The following NLRP5 variants were observed in gnomAD, a reference collection of about 807,000 sequenced individuals.
NLRP5 encodes the protein NLR family pyrin domain containing 5, also known as NACHT, LRR and PYD domains-containing protein 5.
Under a neutral mutation model 113.1 loss-of-function variants are expected in NLRP5, and 93 were observed. That is an observed-to-expected ratio of 0.82 (90% CI 0.70 to 0.98). The LOEUF (loss-of-function observed/expected upper bound fraction) is 0.98. Ranked by LOEUF, NLRP5 falls within the 50% of genes least tolerant of loss-of-function variation. NLRP5 has a pLI of 0.00. For missense variants in NLRP5, 1,808 were observed against 1,514.3 expected (o/e 1.19, Z -3.22); for synonymous variants, 751 against 600.7 (o/e 1.25, Z -3.66).
At chr19:56,042,375 G>A (rs1040497496) in intron 11 of NLRP5, among the ~76,000 whole-genome samples, 31 of 151,944 alleles carry the variant, frequency 2.0e-4, no homozygotes, top group African/African-American at 7.0e-4. Context: ...AGACAGTTTG[G>A]CTCTGTCACC....
chr19:55,987,044 C>A, the NLRP5 span, among the ~76,000 whole-genome samples: 6,454 of 152,290 alleles, frequency 0.042, 169 homozygotes, highest in South Asian at 0.1. Context: ...TTAGGTAAGT[C>A]TCTCGTCCTT....
chr19:56,012,959 G>A (rs1346546829), intron 3 of NLRP5, among the ~76,000 whole-genome samples: 1 of 152,032 alleles, frequency 6.6e-6, no homozygotes, highest in African/African-American at 2.4e-5. Flanking sequence ...ACAATTCAGT[G>A]TTTTATTGTA....
chr19:56,051,715 T>G (rs1412209244), intron 12 of NLRP5, among the ~76,000 whole-genome samples: 1 of 152,170 alleles, frequency 6.6e-6, no homozygotes. Context: ...TTTAAAAATC[T>G]CCTAAAATTT....
Position 56,040,949 on chromosome 19 carries a change from G to A in NLRP5, c.2814G>A (p.Thr938=), listed in dbSNP as rs529957294. Residue 938 remains threonine, a synonymous_variant, in exon 11 of 15, where the codon ACG becomes ACA. Transcript: ENST00000390649. ...TGGAGGACTGTGGCATCACAGCCAC[G>A]GGTTGCCAGAGTCTGGCCTCAGCCC... is the stretch of plus-strand genomic sequence containing the variant. 24 of 1,613,882 alleles carry A rather than the reference G, an allele frequency of 1.5e-5. No homozygotes were observed. Among genetic ancestry groups the A allele is most frequent in the Middle Eastern group, 3.3e-4 (2 of 6,062 alleles).
chr19:56,015,040 A>G (rs1568486087), intron 3 of NLRP5, among the ~76,000 whole-genome samples: 1 of 152,232 alleles, frequency 6.6e-6, no homozygotes, highest in Non-Finnish European at 1.5e-5. Context: ...ACCCATGGAC[A>G]CAAGGTGGTC....
upstream of NLRP5, among the ~76,000 whole-genome samples, chr19:55,997,158 C>T (rs1412210688): frequency 2.0e-5 from 3 of 152,034 alleles, no homozygotes; most frequent in East Asian, 1.9e-4. Flanking sequence ...CTGTTCATAT[C>T]CTTTGCCCAC....
intron 2 of NLRP5, among the ~76,000 whole-genome samples, chr19:56,006,403 A>G (rs1322729108): frequency 6.7e-6 from 1 of 150,314 alleles, no homozygotes; most frequent in Non-Finnish European, 1.5e-5. Flanking sequence ...GTGCACATGT[A>G]CCCTAGAACT....
intron 2 of NLRP5, among the ~76,000 whole-genome samples, chr19:56,005,104 AAAAAT>A (rs1318295013): frequency 5.7e-5 from 7 of 123,694 alleles, no homozygotes; most frequent in South Asian, 2.8e-4. Flanking sequence ...AAAAAAAAAA[AAAAAT>A]ATATATATAT....
chr19:56,018,381 T>C (rs1274750405), intron 4 of NLRP5, among the ~76,000 whole-genome samples: 1 of 152,220 alleles, frequency 6.6e-6, no homozygotes, highest in Non-Finnish European at 1.5e-5. Flanking sequence ...TAAATATATA[T>C]AGTGGTTATT....
intron 6 of NLRP5, among the ~76,000 whole-genome samples, chr19:56,024,489 G>A (rs1295722900): frequency 7.0e-5 from 10 of 143,566 alleles, no homozygotes; most frequent in Admixed American, 1.4e-4. Flanking sequence ...ACGTACATGC[G>A]TATATACATA....
At chr19:56,000,096 C>T (rs1353943864) in intron 1 of NLRP5, among the ~76,000 whole-genome samples, 1 of 151,386 alleles carries the variant, frequency 6.6e-6, no homozygotes, top group African/African-American at 2.5e-5. Flanking sequence ...GGACTGCCAC[C>T]TCTCCACTCT....
chr19:56,025,742 A>G (rs1982818507), intron 6 of NLRP5, among the ~76,000 whole-genome samples: 1 of 151,744 alleles, frequency 6.6e-6, no homozygotes, highest in African/African-American at 2.4e-5. Context: ...GGATTCCCCC[A>G]TTGCGTGGGG....
In NLRP5 at chr19:56,019,940, G is replaced by A. The variant is rs550131333; in HGVS notation, c.623-435G>A. Among the ~76,000 whole-genome samples the A allele has an allele frequency of 5.9e-5, 9 of 151,416 alleles. No homozygotes were observed. In the East Asian group the frequency reaches 1.4e-3, roughly 23 times the overall value. ...CAACCTCTGCCTCCCAGGTTCAAGC[G>A]ATTCTTCTGTCTCAGCCTCCCGAGT... On this transcript the variant is annotated intron_variant, in intron 5 of 14. Transcript: ENST00000390649.
chr19:56,034,026 TC>T (rs1368516950), intron 9 of NLRP5, among the ~76,000 whole-genome samples: 1 of 152,230 alleles, frequency 6.6e-6, no homozygotes, highest in African/African-American at 2.4e-5. Context: ...CCGCTTGGCC[TC>T]CCAGAGCACT....
At chr19:56,008,949 C>A in intron 3 of NLRP5, 96 bp downstream of exon 3, 3 of 1,064,316 alleles carry the variant, frequency 2.8e-6, no homozygotes, top group South Asian at 1.3e-5. Flanking sequence ...TTCTGATAGT[C>A]TAGTGTTCTT....
chr19:55,998,708 G>GTGTATATATATATATA (rs1981456122), upstream of NLRP5, among the ~76,000 whole-genome samples: 1 of 59,352 alleles, frequency 1.7e-5, no homozygotes, highest in African/African-American at 8.1e-5. Flanking sequence ...ATATATGTGT[G>GTGTATATATATATATA]TGTGTGTATA....
chr19:56,012,668 T>C (rs1982244392), intron 3 of NLRP5, among the ~76,000 whole-genome samples: 1 of 69,668 alleles, frequency 1.4e-5, no homozygotes, highest in Admixed American at 1.5e-4. Flanking sequence ...CTTACAATTA[T>C]TTTCCTTGGA....
chr19:56,017,191 C>T (rs1213144384), intron 4 of NLRP5, among the ~76,000 whole-genome samples: 1 of 152,024 alleles, frequency 6.6e-6, no homozygotes, highest in Non-Finnish European at 1.5e-5. Context: ...TCTTTTTTTC[C>T]TTGGTCAGTC....
At chr19:56,047,273 G>T (rs1428411552) in intron 11 of NLRP5, among the ~76,000 whole-genome samples, 3 of 151,936 alleles carry the variant, frequency 2.0e-5, no homozygotes, top group African/African-American at 7.3e-5. Flanking sequence ...CCTTTCTTCT[G>T]CTGGGTTTGG....
Sources: gnomAD v4.1 joint callset for allele counts (sites outside exome capture counted in the v4.1 genomes callset) on GRCh38, gnomAD v4.1.1 for gene constraint, MANE v1.5 for transcripts, NCBI Gene and HGNC (gene_info 2026-07-23, HGNC 2026-07-21) for gene names.